Variants in MARCHF10 observed in about 807,000 individuals in gnomAD.
MARCHF10 encodes the protein membrane associated ring-CH-type finger 10.
A neutral mutation model predicts 76.2 loss-of-function variants in MARCHF10; 64 were observed. The ratio of observed to expected loss-of-function variants is 0.84; its 90% CI spans 0.69 to 1.03. MARCHF10 has a LOEUF of 1.03. Ranked by LOEUF, MARCHF10 falls within the 50% of genes least tolerant of loss-of-function variation. The pLI, the probability that MARCHF10 is intolerant of heterozygous loss-of-function variation, is 0.00. For missense variants in MARCHF10, 875 were observed against 958.0 expected (o/e 0.91, Z 1.14); for synonymous variants, 340 against 357.5 (o/e 0.95, Z 0.55).
intron 4 of MARCHF10, among the ~76,000 whole-genome samples, chr17:62,756,439 C>A (rs1251120430): frequency 6.6e-6 from 1 of 152,132 alleles, no homozygotes; most frequent in Non-Finnish European, 1.5e-5. Flanking sequence ...CAGTAAGACC[C>A]CATCTCTATA....
At chr17:62,752,987 T>C (rs1351127039) in intron 4 of MARCHF10, among the ~76,000 whole-genome samples, 1 of 152,178 alleles carries the variant, frequency 6.6e-6, no homozygotes, top group Non-Finnish European at 1.5e-5. Flanking sequence ...CCCCGTCGCC[T>C]CCAGCATGAC....
chr17:62,747,484 G>C (rs972551945), intron 4 of MARCHF10, among the ~76,000 whole-genome samples: 3 of 152,176 alleles, frequency 2.0e-5, no homozygotes, highest in African/African-American at 7.2e-5. Context: ...TATTAGTGTA[G>C]GCAGGATCCT....
chr17:62,762,770 C>T (rs552136882), intron 3 of MARCHF10, among the ~76,000 whole-genome samples: 1 of 152,270 alleles, frequency 6.6e-6, no homozygotes, highest in African/African-American at 2.4e-5. Context: ...GGTCTCGAAC[C>T]CCTGAGCTCA....
At chr17:62,719,285 A>G (rs749595565) in intron 8 of MARCHF10, among the ~76,000 whole-genome samples, 12 of 152,226 alleles carry the variant, frequency 7.9e-5, no homozygotes, top group Non-Finnish European at 1.3e-4. Flanking sequence ...AATATTTTCA[A>G]ATGATCATTT....
In MARCHF10 at chr17:62,808,071, C is replaced by G. The variant is rs1302040510; in HGVS notation, c.-18+6G>C. On this transcript the variant is annotated splice_donor_region_variant and intron_variant, in intron 1 of 10. Coordinates refer to ENST00000311269, the MANE Select transcript of MARCHF10 (RefSeq NM_152598.4). ...AGCGGAGCGGCGGGGGCGAGGGGGC[C>G]GTTACCTGTGGGTCTGCCCTTCCTC... 7.7e-6 allele frequency: 1 copy of G among 130,218 alleles called. No individual in the cohort carries two copies. Among genetic ancestry groups the G allele is most frequent in the African/African-American group, 2.9e-5 (1 of 34,902 alleles). The allele number at this position is 130,218 out of a possible 1,614,324, so 8.1% of individuals were successfully genotyped here.
chr17:62,773,342 G>C (rs903505789), intron 3 of MARCHF10, among the ~76,000 whole-genome samples: 4 of 152,220 alleles, frequency 2.6e-5, no homozygotes, highest in African/African-American at 9.7e-5. Context: ...CCCGCTGCGT[G>C]CAGAGACGGG....
rs1405308197 is a variant in MARCHF10, at chr17:62,793,534, ACCACCACCACCTCCACTG to A, written c.91-4953_91-4936del. Among the ~76,000 whole-genome samples, 21 of 115,996 alleles carry A rather than the reference ACCACCACCACCTCCACTG, an allele frequency of 1.8e-4. 1 individual carries two copies. The highest frequency in any genetic ancestry group is 4.9e-4 in the African/African-American group (14 of 28,762). The allele number at this position is 115,996 out of a possible 152,430, so 76.1% of individuals were successfully genotyped here. The stretch of plus-strand genomic sequence containing the variant: ...CACCACCACCACCACCTCCATCACC[ACCACCACCACCTCCACTG>A]CCACCACCACCTCCACCACCACCAC... On this transcript the variant is annotated intron_variant, in intron 2 of 10. Coordinates refer to ENST00000311269, the MANE Select transcript of MARCHF10 (RefSeq NM_152598.4).
intron 4 of MARCHF10, among the ~76,000 whole-genome samples, chr17:62,757,991 A>C (rs1194596454): frequency 2.0e-5 from 3 of 152,218 alleles, no homozygotes; most frequent in African/African-American, 7.2e-5. Context: ...GGGTGGATCT[A>C]AACGGTTCCT....
At chr17:62,753,865 C>T (rs1220861077) in intron 4 of MARCHF10, among the ~76,000 whole-genome samples, 2 of 152,136 alleles carry the variant, frequency 1.3e-5, no homozygotes, top group Non-Finnish European at 2.9e-5. Flanking sequence ...TGTTCTGGTT[C>T]CCCATTACCC....
chr17:62,726,844 G>A (rs2090780359), intron 6 of MARCHF10, among the ~76,000 whole-genome samples: 1 of 152,082 alleles, frequency 6.6e-6, no homozygotes, highest in Admixed American at 6.6e-5. Flanking sequence ...GGCCAGGCTG[G>A]TCTCGAACCC....
chr17:62,776,199 CA>C (rs1229754990), intron 3 of MARCHF10, among the ~76,000 whole-genome samples: 2 of 151,988 alleles, frequency 1.3e-5, no homozygotes, highest in Non-Finnish European at 2.9e-5. Context: ...GCGCTACTTA[CA>C]AAGGAAAAAA....
rs1025089613 is a variant in MARCHF10, at chr17:62,738,461, C to A, written c.536-1129G>T. Among the ~76,000 whole-genome samples, 1 of 152,146 alleles carries A rather than the reference C, an allele frequency of 6.6e-6. No individual in the cohort carries two copies. Among genetic ancestry groups the A allele is most frequent in the African/African-American group, 2.4e-5 (1 of 41,430 alleles). The stretch of plus-strand genomic sequence containing the variant: ...TTCCCTCCTGACATCGGCCTCCCCC[C>A]GCTTTGTTCTCCTCTCTGCTATTGT... On this transcript the variant is annotated intron_variant, in intron 5 of 10. Transcript: ENST00000311269. This position sits in a 1 kb window ranked among gnomAD's most constrained non-coding sequence, Gnocchi z 4.0.
intron 3 of MARCHF10, among the ~76,000 whole-genome samples, chr17:62,768,317 G>C (rs1304447019): frequency 6.6e-6 from 1 of 152,148 alleles, no homozygotes; most frequent in Non-Finnish European, 1.5e-5. Context: ...AGAAGTTTGA[G>C]ACCAGCCTGG....
intron 3 of MARCHF10, among the ~76,000 whole-genome samples, chr17:62,771,004 C>T (rs914403568): frequency 1.3e-5 from 2 of 151,758 alleles, no homozygotes; most frequent in South Asian, 2.1e-4. Flanking sequence ...TACAGGCGCC[C>T]GCCACCATGC....
chr17:62,734,337 G>C (rs970544993), intron 6 of MARCHF10, among the ~76,000 whole-genome samples: 2 of 152,124 alleles, frequency 1.3e-5, no homozygotes, highest in African/African-American at 4.8e-5. Context: ...GAGAAGATAG[G>C]GTGGGTGAGG....
chr17:62,727,502 CA>C (rs138004879), intron 6 of MARCHF10, among the ~76,000 whole-genome samples: 1 of 148,538 alleles, frequency 6.7e-6, no homozygotes, highest in Non-Finnish European at 1.5e-5. Flanking sequence ...GACCTTGTCT[CA>C]AAAAAAAAGA....
chr17:62,750,956 G>A (rs963339588), intron 4 of MARCHF10, among the ~76,000 whole-genome samples: 3 of 152,128 alleles, frequency 2.0e-5, no homozygotes, highest in East Asian at 1.9e-4. Context: ...AGCTGCCCCC[G>A]CTAGCAGGCT....
intron 2 of MARCHF10, among the ~76,000 whole-genome samples, chr17:62,800,463 C>T (rs578262461): frequency 3.9e-5 from 6 of 152,110 alleles, no homozygotes; most frequent in Non-Finnish European, 7.3e-5. Flanking sequence ...TCTTCTTATA[C>T]GTGGGTTGGC....
chr17:62,785,997 A>G (rs912589331), intron 3 of MARCHF10, among the ~76,000 whole-genome samples: 1 of 152,218 alleles, frequency 6.6e-6, no homozygotes, highest in Non-Finnish European at 1.5e-5. Flanking sequence ...ATCTAGAACT[A>G]GAAATACCAT....
Sources: allele counts gnomAD v4.1 joint callset (sites outside exome capture counted in the v4.1 genomes callset), GRCh38; gene constraint gnomAD v4.1.1; non-coding constraint Gnocchi (gnomAD v3.1); transcripts MANE v1.5; gene names NCBI Gene and HGNC (gene_info 2026-07-23, HGNC 2026-07-21).